Variants in OSBPL10 observed in about 807,000 individuals in gnomAD.
The protein encoded by OSBPL10 is oxysterol binding protein like 10, also known as oxysterol-binding protein-related protein 10.
OSBPL10 carries 49 observed loss-of-function variants against 81.7 expected under a neutral mutation model. The ratio of observed to expected loss-of-function variants is 0.60; its 90% confidence interval spans 0.48 to 0.76. OSBPL10 has a LOEUF of 0.76. Ranked by LOEUF, OSBPL10 falls within the 30% of genes least tolerant of loss-of-function variation. The pLI, the probability that OSBPL10 is intolerant of heterozygous loss-of-function variation, is 0.00. For missense variants in OSBPL10, 923 were observed against 987.8 expected, an observed-to-expected ratio of 0.93 and a Z score of 0.88; for synonymous variants, 419 against 383.6, an observed-to-expected ratio of 1.09 and a Z score of -1.08.
At position 31,868,686 on chromosome 3, in the gene OSBPL10, A is replaced by C. The variant is rs77633485; in HGVS notation, c.537+7747T>G. On this transcript the variant is annotated intron_variant, in intron 3 of 11. Transcript: ENST00000396556. ...TTGAAAATATTGTAAGTTTCCATCA[A>C]GTTTGACCCTTAAAATTTTTCTCAG... is the stretch of plus-strand genomic sequence containing the variant. Among the ~76,000 whole-genome samples the C allele has an allele frequency of 4.9e-3, 741 of 152,352 alleles. 8 individuals carry two copies. The highest frequency in any genetic ancestry group is 0.016 in the African/African-American group (681 of 41,582).
chr3:31,854,338 C>G (rs1169541220), intron 3 of OSBPL10, among the ~76,000 whole-genome samples: 13 of 152,192 alleles, frequency 8.5e-5, no homozygotes, highest in East Asian at 1.9e-4. Flanking sequence ...AACCAGTTCT[C>G]TGCATCAGCC....
chr3:31,793,694 G>C (rs1404373611), intron 4 of OSBPL10, among the ~76,000 whole-genome samples: 1 of 152,178 alleles, frequency 6.6e-6, no homozygotes, highest in African/African-American at 2.4e-5. Context: ...AAGTGAAAAA[G>C]CAACTGTAAT....
intron 4 of OSBPL10, among the ~76,000 whole-genome samples, chr3:31,815,957 G>A (rs1049616683): frequency 6.6e-6 from 1 of 152,144 alleles, no homozygotes; most frequent in African/African-American, 2.4e-5. Context: ...ACTGAACTGT[G>A]ATAAAAAATA....
intron 2 of OSBPL10, among the ~76,000 whole-genome samples, chr3:32,020,603 C>A (rs1699353708): frequency 6.6e-6 from 1 of 151,696 alleles, no homozygotes; most frequent in African/African-American, 2.4e-5. Flanking sequence ...TAATTGCGTA[C>A]AAGTCTTTGT....
At chr3:31,871,361 C>A (rs982480460) in intron 3 of OSBPL10, among the ~76,000 whole-genome samples, 13 of 152,004 alleles carry the variant, frequency 8.6e-5, no homozygotes, top group Admixed American at 6.6e-4. Context: ...CCTGAGCCAG[C>A]GAGACTATGA....
intron 4 of OSBPL10, among the ~76,000 whole-genome samples, chr3:31,774,013 T>G (rs1157344944): frequency 4.6e-5 from 7 of 151,796 alleles, no homozygotes; most frequent in Admixed American, 4.6e-4. Flanking sequence ...AATACAAAGA[T>G]TAGCCGGGCG....
chr3:31,740,294 G>C (rs981696392), intron 5 of OSBPL10, among the ~76,000 whole-genome samples: 2 of 151,932 alleles, frequency 1.3e-5, no homozygotes, highest in Non-Finnish European at 2.9e-5. Flanking sequence ...CACCCGCCTC[G>C]GCCTCCCAAA....
At chr3:31,814,297 C>A (rs553546326) in intron 4 of OSBPL10, among the ~76,000 whole-genome samples, 7 of 152,228 alleles carry the variant, frequency 4.6e-5, no homozygotes, top group Non-Finnish European at 1.0e-4. Context: ...AAATGGAAGA[C>A]TAATCTCATG....
At chr3:31,816,055 C>T (rs559717866) in intron 4 of OSBPL10, among the ~76,000 whole-genome samples, 1 of 152,132 alleles carries the variant, frequency 6.6e-6, no homozygotes, top group South Asian at 2.1e-4. Flanking sequence ...GCAAGATAGA[C>T]AGATGTTCAG....
At chr3:32,004,809 A>G (rs1201841980) in intron 2 of OSBPL10, among the ~76,000 whole-genome samples, 1 of 152,244 alleles carries the variant, frequency 6.6e-6, no homozygotes, top group Non-Finnish European at 1.5e-5. Flanking sequence ...GCCATGTTTT[A>G]GACCAAAGAA....
chr3:31,850,695 C>T (rs754956495), intron 3 of OSBPL10, among the ~76,000 whole-genome samples: 3 of 152,176 alleles, frequency 2.0e-5, no homozygotes, highest in East Asian at 1.9e-4. Context: ...TTATACTATT[C>T]GTCATCATGC....
intron 1 of OSBPL10, among the ~76,000 whole-genome samples, chr3:31,897,745 C>G (rs9867708): frequency 0.24 from 36,805 of 151,950 alleles, 5,002 homozygotes; most frequent in East Asian, 0.51. Flanking sequence ...CACAGTGGCT[C>G]ACGCCTGTAA....
At chr3:32,012,219 GC>G (rs1195998260) in intron 2 of OSBPL10, among the ~76,000 whole-genome samples, 10 of 152,194 alleles carry the variant, frequency 6.6e-5, no homozygotes, top group African/African-American at 2.4e-4. Context: ...ACAAAGGGAA[GC>G]CCATCAGACT....
chr3:31,890,613 GC>G (rs1695866942), intron 1 of OSBPL10, among the ~76,000 whole-genome samples: 1 of 152,056 alleles, frequency 6.6e-6, no homozygotes. Context: ...AAGATTTGAT[GC>G]ACTGAGCTTG....
chr3:31,962,167 G>C (rs1362759684), intron 1 of OSBPL10, among the ~76,000 whole-genome samples: 1 of 152,044 alleles, frequency 6.6e-6, no homozygotes, highest in Non-Finnish European at 1.5e-5. Flanking sequence ...ACGTTGGCCA[G>C]GCTGGTCTTG....
intron 1 of OSBPL10, among the ~76,000 whole-genome samples, chr3:31,972,759 G>A (rs1238396658): frequency 1.3e-5 from 2 of 152,122 alleles, no homozygotes; most frequent in African/African-American, 4.8e-5. Flanking sequence ...ACTGATATTG[G>A]TTGCCTTTCA....
At chr3:31,945,839 G>A (rs1361685712) in intron 1 of OSBPL10, among the ~76,000 whole-genome samples, 1 of 152,182 alleles carries the variant, frequency 6.6e-6, no homozygotes, top group African/African-American at 2.4e-5. Flanking sequence ...AACGTATCAT[G>A]CATACAAATA....
At chr3:31,844,046 G>A (rs539720222) in intron 3 of OSBPL10, among the ~76,000 whole-genome samples, 1 of 152,290 alleles carries the variant, frequency 6.6e-6, no homozygotes, top group Non-Finnish European at 1.5e-5. Flanking sequence ...TTTTCCCCAT[G>A]AGCAATTATG....
chr3:31,697,725 G>GT (rs1695768683), intron 7 of OSBPL10, among the ~76,000 whole-genome samples: 1 of 151,666 alleles, frequency 6.6e-6, no homozygotes, highest in Admixed American at 6.6e-5. Context: ...CACTAGCACT[G>GT]TGCCACCAGC....
Sources: gnomAD v4.1 joint callset for allele counts (sites outside exome capture counted in the v4.1 genomes callset) on GRCh38, gnomAD v4.1.1 for gene constraint, MANE v1.5 for transcripts, NCBI Gene and HGNC (gene_info 2026-07-23, HGNC 2026-07-21) for gene names.